The following BNC2 variants were observed in gnomAD, a reference collection of about 807,000 sequenced individuals.
BNC2 encodes the protein zinc finger protein basonuclin-2.
Under a neutral mutation model 76.3 loss-of-function variants are expected in BNC2, and 20 were observed. The observed-to-expected ratio is 0.26, with a 90% CI of 0.18 to 0.38. The LOEUF (loss-of-function observed/expected upper bound fraction) is 0.38. Among genes scored for constraint, BNC2 ranks in the 10% least tolerant of loss-of-function variants. BNC2 has a pLI of 1.00. For missense variants in BNC2, 1,382 were observed against 1,399.8 expected, an observed-to-expected ratio of 0.99 and a Z score of 0.20; for synonymous variants, 582 against 514.8, an observed-to-expected ratio of 1.13 and a Z score of -1.77.
At chr9:16,683,954 T>A (rs1453421358) in intron 3 of BNC2, among the ~76,000 whole-genome samples, 2 of 152,194 alleles carry the variant, frequency 1.3e-5, no homozygotes, top group African/African-American at 4.8e-5. Context: ...AGGAACTTAG[T>A]CTTCTTTGCA....
At chr9:16,552,842 A>G in intron 4 of BNC2, 77 bp from the exon 5 acceptor site, 1 of 1,231,328 alleles carries the variant, frequency 8.1e-7, no homozygotes, top group South Asian at 1.2e-5. Context: ...AGTTAGAAAT[A>G]TTGCTGGAAG....
At chr9:16,649,431 C>T (rs1821731103) in intron 3 of BNC2, among the ~76,000 whole-genome samples, 1 of 152,162 alleles carries the variant, frequency 6.6e-6, no homozygotes, top group Non-Finnish European at 1.5e-5. Context: ...TCTTTCTTTC[C>T]ATAAGCCTAA....
chr9:16,566,876 T>C (rs1287281595), intron 4 of BNC2, among the ~76,000 whole-genome samples: 1 of 152,184 alleles, frequency 6.6e-6, no homozygotes, highest in Non-Finnish European at 1.5e-5. Context: ...ATTAATCTCT[T>C]TTTAGTATGC....
chr9:16,555,903 G>A (rs1818815601), intron 4 of BNC2, among the ~76,000 whole-genome samples: 2 of 152,150 alleles, frequency 1.3e-5, no homozygotes, highest in African/African-American at 2.4e-5. Flanking sequence ...TAGGTTTGTG[G>A]GTTATGCATT....
chr9:16,509,148 C>G (rs1046365814), intron 5 of BNC2, among the ~76,000 whole-genome samples: 3 of 152,096 alleles, frequency 2.0e-5, no homozygotes, highest in African/African-American at 7.2e-5. Context: ...ATCTTAAACT[C>G]ACCCCAAATG....
intron 1 of BNC2, among the ~76,000 whole-genome samples, chr9:16,784,804 C>T (rs1826239889): frequency 6.6e-6 from 1 of 152,214 alleles, no homozygotes; most frequent in Non-Finnish European, 1.5e-5. Flanking sequence ...GTATAAACCA[C>T]TCCCCTGCCC....
chr9:16,470,188 G>A (rs1587066291), intron 5 of BNC2, among the ~76,000 whole-genome samples: 1 of 151,730 alleles, frequency 6.6e-6, no homozygotes, highest in African/African-American at 2.4e-5. Flanking sequence ...TAGTATAGAT[G>A]GGGTTTCATC....
At chr9:16,667,695 G>A (rs1348356158) in intron 3 of BNC2, among the ~76,000 whole-genome samples, 4 of 152,094 alleles carry the variant, frequency 2.6e-5, no homozygotes, top group African/African-American at 9.7e-5. Flanking sequence ...TACCACATTT[G>A]TAATATGAAA....
chr9:16,431,347 G>C (rs1563779519), intron 6 of BNC2: 1 of 380,480 alleles, frequency 2.6e-6, no homozygotes. Context: ...CTCAGCTCCT[G>C]GGGATCAAAA....
At chr9:16,467,450 A>G (rs1433971826) in intron 5 of BNC2, among the ~76,000 whole-genome samples, 18 of 143,020 alleles carry the variant, frequency 1.3e-4, no homozygotes, top group African/African-American at 3.7e-4. Context: ...CAACAATGAT[A>G]GACTGGATTA....
intron 5 of BNC2, among the ~76,000 whole-genome samples, chr9:16,524,414 T>A (rs1487814752): frequency 6.6e-6 from 1 of 152,082 alleles, no homozygotes; most frequent in South Asian, 2.1e-4. Context: ...GATTTCTAGG[T>A]AAGCACTTCT....
chr9:16,810,457 C>G (rs1324910533), intron 1 of BNC2, among the ~76,000 whole-genome samples: 1 of 152,202 alleles, frequency 6.6e-6, no homozygotes, highest in African/African-American at 2.4e-5. Context: ...GTTTGTTTAC[C>G]TCATGTGAAT....
intron 3 of BNC2, among the ~76,000 whole-genome samples, chr9:16,661,374 T>A (rs1822106219): frequency 6.6e-6 from 1 of 152,200 alleles, no homozygotes; most frequent in South Asian, 2.1e-4. Context: ...CACCTGCCCT[T>A]ACTAAATCAC....
chr9:16,580,554 G>C (rs1453658023), intron 4 of BNC2, among the ~76,000 whole-genome samples: 1 of 152,084 alleles, frequency 6.6e-6, no homozygotes, highest in Non-Finnish European at 1.5e-5. Context: ...TCACTGGCCA[G>C]GAATAATTTA....
intron 1 of BNC2, among the ~76,000 whole-genome samples, chr9:16,747,111 T>G (rs1980937): frequency 6.6e-6 from 1 of 152,082 alleles, no homozygotes; most frequent in African/African-American, 2.4e-5. Flanking sequence ...AAAGTACAGA[T>G]TATTAAAATT....
In BNC2 at chr9:16,626,696, CA is replaced by C. The variant is rs559758172; in HGVS notation, c.331-43612del. Among the ~76,000 whole-genome samples, 12 of 152,276 alleles carry C rather than the reference CA, an allele frequency of 7.9e-5. No homozygotes were observed. The South Asian group carries it at 2.5e-3, about 32-fold the overall frequency. On this transcript the variant is annotated intron_variant, in intron 3 of 6. Transcript: ENST00000380672. ...AAAGGCAAACACACACACACACACA[CA>C]CACCCTGTATTCTCTTTTCTTTCTC...
chr9:16,604,666 G>GT (rs1820332547), intron 3 of BNC2, among the ~76,000 whole-genome samples: 1 of 151,952 alleles, frequency 6.6e-6, no homozygotes, highest in African/African-American at 2.4e-5. Flanking sequence ...TTAGCCGGGC[G>GT]TGGTGGTGGG....
intron 3 of BNC2, among the ~76,000 whole-genome samples, chr9:16,725,973 A>C (rs1405420444): frequency 8.2e-6 from 1 of 121,738 alleles, no homozygotes; most frequent in Non-Finnish European, 1.7e-5. Flanking sequence ...ACGTAAGCCA[A>C]TCTTCCCTTC....
At chr9:16,793,149 C>A (rs1817558089) in intron 1 of BNC2, among the ~76,000 whole-genome samples, 1 of 152,150 alleles carries the variant, frequency 6.6e-6, no homozygotes, top group Admixed American at 6.5e-5. Context: ...AAAACAAATC[C>A]AATTGCCCAA....
Sources: allele counts gnomAD v4.1 joint callset (sites outside exome capture counted in the v4.1 genomes callset), GRCh38; gene constraint gnomAD v4.1.1; transcripts MANE v1.5; gene names NCBI Gene and HGNC (gene_info 2026-07-23, HGNC 2026-07-21).